CFAP221: variants seen among roughly 807,000 people sequenced by gnomAD.
The protein encoded by CFAP221 is cilia- and flagella-associated protein 221.
Under a neutral mutation model 113.1 loss-of-function variants are expected in CFAP221, and 97 were observed. That is an observed-to-expected ratio of 0.86 (90% CI 0.73 to 1.02). CFAP221 has a LOEUF of 1.02. Among genes scored for constraint, CFAP221 ranks in the 50% least tolerant of loss-of-function variants. The probability of loss-of-function intolerance (pLI) is 0.00; values close to 1 mark genes in which losing one functional copy is unlikely to be tolerated. For synonymous variants in CFAP221, 331 were observed against 354.4 expected (o/e 0.93, Z 0.74); for missense variants, 1,025 against 1,013.4 (o/e 1.01, Z -0.16).
At chr2:119,586,846 A>T in intron 6 of CFAP221, 1 of 301,204 alleles carries the variant, frequency 3.3e-6, no homozygotes, top group Non-Finnish European at 6.1e-6. Context: ...TGGTTCTGCC[A>T]CTAACTATGT....
chr2:119,658,912 G>A (rs749509565), downstream of CFAP221, among the ~76,000 whole-genome samples: 9 of 151,110 alleles, frequency 6.0e-5, no homozygotes, highest in Non-Finnish European at 1.2e-4. Context: ...GATCACCTGA[G>A]CCCAGGAAGT....
At chr2:119,553,454 T>C (rs1680568977) in intron 3 of CFAP221, among the ~76,000 whole-genome samples, 1 of 152,176 alleles carries the variant, frequency 6.6e-6, no homozygotes, top group Non-Finnish European at 1.5e-5. Context: ...GGAAGTATTT[T>C]TGAGCAGGGT....
At chr2:119,607,343 G>A (rs999954178) in intron 11 of CFAP221, among the ~76,000 whole-genome samples, 1 of 152,128 alleles carries the variant, frequency 6.6e-6, no homozygotes. Flanking sequence ...CTGGGGTCCA[G>A]TCAAAGATCA....
intron 7 of CFAP221, chr2:119,589,783 G>C (rs1683470090): frequency 6.6e-6 from 1 of 152,210 alleles, no homozygotes; most frequent in African/African-American, 2.4e-5. Context: ...AGCTGGACCT[G>C]CTGTTGTTGG....
chr2:119,655,090 TC>T (rs1688352746), intron 23 of CFAP221, among the ~76,000 whole-genome samples: 1 of 152,282 alleles, frequency 6.6e-6, no homozygotes, highest in Admixed American at 6.5e-5. Context: ...GTGTCCCATT[TC>T]CCCCTGAAGA....
intron 22 of CFAP221, among the ~76,000 whole-genome samples, chr2:119,648,162 C>A (rs956027153): frequency 1.3e-5 from 2 of 152,212 alleles, no homozygotes; most frequent in Admixed American, 6.5e-5. Context: ...AGATATACTA[C>A]CATTAATGAC....
chr2:119,625,563 A>G lies in CFAP221; in HGVS notation c.1411-20A>G. ...GTGTGTTGATTAATAATTTGAAATCATTATCCACTCCAATTTCAGGTCATG... is the reference window on the plus strand; with the variant it reads ...GTGTGTTGATTAATAATTTGAAATCGTTATCCACTCCAATTTCAGGTCATG... On this transcript the variant is annotated intron_variant, in intron 14 of 23. Transcript: ENST00000413369. 9.7e-7 allele frequency: 1 copy of G among 1,026,478 alleles called. No homozygotes were observed. Among genetic ancestry groups the G allele is most frequent in the Non-Finnish European group, 1.3e-6 (1 of 749,504 alleles). The allele number at this position is 1,026,478 out of a possible 1,614,324, so 63.6% of individuals were successfully genotyped here.
In CFAP221 at chr2:119,625,689, G is replaced by A. The variant is rs1020748951; in HGVS notation, c.1516+1G>A. The stretch of plus-strand genomic sequence containing the variant: ...CAAGCAAAACAATCGATAGCACAAG[G>A]TGAAGTATGGCTGCAAAGCACAGAG... On this transcript the variant is annotated splice_donor_variant, in intron 15 of 23. Transcript: ENST00000413369. LOFTEE classifies it high-confidence loss of function. 2 of 1,598,562 alleles carry A rather than the reference G, an allele frequency of 1.3e-6. No homozygotes were observed. Among genetic ancestry groups the A allele is most frequent in the African/African-American group, 2.7e-5 (2 of 74,554 alleles).
chr2:119,637,693 TG>T (rs1437167878), intron 19 of CFAP221, among the ~76,000 whole-genome samples: 3 of 152,196 alleles, frequency 2.0e-5, no homozygotes, highest in African/African-American at 7.2e-5. Flanking sequence ...TTAGTTCTGC[TG>T]GAAAATTAAT....
intron 7 of CFAP221, among the ~76,000 whole-genome samples, chr2:119,597,816 G>A (rs1684097717): frequency 6.6e-6 from 1 of 152,152 alleles, no homozygotes; most frequent in South Asian, 2.1e-4. Context: ...CCCAATCAGA[G>A]GCTGAAGTTA....
chr2:119,656,020 C>T (rs1015103997), intron 23 of CFAP221: 3 of 270,818 alleles, frequency 1.1e-5, no homozygotes, highest in East Asian at 8.2e-5. Flanking sequence ...CTTAGAAGAC[C>T]TCACACCAGG....
intron 14 of CFAP221, among the ~76,000 whole-genome samples, chr2:119,617,680 G>C (rs1165290299): frequency 6.6e-6 from 1 of 152,198 alleles, no homozygotes; most frequent in Admixed American, 6.5e-5. Context: ...CAGGCTCCCA[G>C]CATCTCTTGC....
At chr2:119,584,586 CAA>C (rs901070546) in intron 6 of CFAP221, among the ~76,000 whole-genome samples, 2 of 127,098 alleles carry the variant, frequency 1.6e-5, no homozygotes, top group Non-Finnish European at 1.7e-5. Flanking sequence ...GACTGTGTCT[CAA>C]AAAAAAAAAA....
intron 3 of CFAP221, among the ~76,000 whole-genome samples, chr2:119,555,111 C>G (rs1680694300): frequency 6.6e-6 from 1 of 152,124 alleles, no homozygotes; most frequent in South Asian, 2.1e-4. Flanking sequence ...TCCTACAAAT[C>G]CTGAGTAATG....
At chr2:119,560,987 G>A (rs547084363) in intron 5 of CFAP221, among the ~76,000 whole-genome samples, 1 of 151,814 alleles carries the variant, frequency 6.6e-6, no homozygotes, top group Non-Finnish European at 1.5e-5. Context: ...TTTTTTTGGA[G>A]TTTCAATTAA....
chr2:119,568,897 C>T (rs1681839713), intron 6 of CFAP221, among the ~76,000 whole-genome samples: 1 of 152,196 alleles, frequency 6.6e-6, no homozygotes, highest in Admixed American at 6.5e-5. Context: ...CCACTGGCAA[C>T]AAATTCCCTT....
At chr2:119,657,253 G>C (rs992307714), downstream of CFAP221, among the ~76,000 whole-genome samples, 1 of 152,130 alleles carries the variant, frequency 6.6e-6, no homozygotes, top group Non-Finnish European at 1.5e-5. Flanking sequence ...GCTGGTATCA[G>C]ACTGTATGTT....
intron 6 of CFAP221, among the ~76,000 whole-genome samples, chr2:119,574,980 A>G (rs1200398244): frequency 1.3e-5 from 2 of 152,112 alleles, no homozygotes; most frequent in Non-Finnish European, 2.9e-5. Flanking sequence ...TTCTTGTTTT[A>G]ATTATTGCTG....
rs140861179 is a variant in CFAP221, at chr2:119,626,355, A to G, written c.1516+667A>G. Among the ~76,000 whole-genome samples the G allele has an allele frequency of 6.2e-4, 94 of 152,266 alleles. 1 individual carries two copies. The East Asian group carries it at 0.011, about 17-fold the overall frequency. ...ACCTCTGAGTGCCATTATTCAGCCT[A>G]TCTGATGATATAAAGTGGATCTCTG... On this transcript the variant is annotated intron_variant, in intron 15 of 23. Transcript: ENST00000413369.
Sources: gnomAD v4.1 joint callset for allele counts (sites outside exome capture counted in the v4.1 genomes callset) on GRCh38, gnomAD v4.1.1 for gene constraint, MANE v1.5 for transcripts, NCBI Gene and HGNC (gene_info 2026-07-23, HGNC 2026-07-21) for gene names.